Variants in OTOF observed in about 807,000 individuals in gnomAD.
OTOF encodes fer-1-like family member 2.
Under a neutral mutation model 236.8 loss-of-function variants are expected in OTOF, and 218 were observed. That is an observed-to-expected ratio of 0.92 (90% CI 0.82 to 1.03). The LOEUF (loss-of-function observed/expected upper bound fraction) is 1.03. Ranked by LOEUF, OTOF falls within the 50% of genes least tolerant of loss-of-function variation. The probability of loss-of-function intolerance (pLI) is 0.00; values close to 1 mark genes in which losing one functional copy is unlikely to be tolerated. For synonymous variants in OTOF, 1,041 were observed against 1,072.5 expected (o/e 0.97, Z 0.57); for missense variants, 2,590 against 2,694.4 (o/e 0.96, Z 0.86).
chr2:26,465,089 C>T (rs1664665792), intron 38 of OTOF, 60 bp from the exon 39 acceptor site: 1 of 1,391,868 alleles, frequency 7.2e-7, no homozygotes, highest in Non-Finnish European at 9.5e-7. Context: ...TCCTGGATGA[C>T]AGCTGGTCGT....
chr2:26,502,892 A>G (rs531488542), intron 6 of OTOF, among the ~76,000 whole-genome samples: 1 of 152,354 alleles, frequency 6.6e-6, no homozygotes, highest in East Asian at 1.9e-4. Context: ...CTTAGGAAGT[A>G]ACTTATCCAT....
At chr2:26,530,258 C>G (rs927480862) in intron 2 of OTOF, among the ~76,000 whole-genome samples, 35 of 151,738 alleles carry the variant, frequency 2.3e-4, no homozygotes, top group Non-Finnish European at 4.4e-5. Context: ...GAGGCTGAGG[C>G]TAAGGGACCT....
Position 26,461,648 on chromosome 2 carries a change from T to A in OTOF, c.5533+48A>T, listed in dbSNP as rs1664467660. On this transcript the variant is annotated intron_variant, in intron 43 of 46. Transcript: ENST00000272371. The surrounding 1 kb of genome is among the most constrained non-coding windows in gnomAD (Gnocchi z 6.2). ...TGTCCCCGCCAACCCGGCCCCTGCCTCTTCTCAGTTCTGGATCCTGAACCC... is the reference window on the plus strand; with the variant it reads ...TGTCCCCGCCAACCCGGCCCCTGCCACTTCTCAGTTCTGGATCCTGAACCC... 3 of 1,610,592 alleles carry A rather than the reference T, an allele frequency of 1.9e-6. No homozygotes were observed. Among genetic ancestry groups the A allele is most frequent in the Non-Finnish European group, 2.5e-6 (3 of 1,179,798 alleles).
At position 26,470,637 on chromosome 2, in the gene OTOF, C is replaced by G. The variant is rs764036733; in HGVS notation, c.3979G>C (p.Asp1327His). Residue 1327 changes from aspartate to histidine, a missense_variant, in exon 32 of 47, where the codon GAC (aspartate) becomes CAC (histidine). Physicochemically the swap from Asp to His is moderately conservative, Grantham distance 81. Around this residue, in one of 2 missense-constraint regions of OTOF, gnomAD observed 1,211 missense variants for 1,352.8 expected, o/e 0.90. Transcript: ENST00000272371. The surrounding 1 kb of genome is among the most constrained non-coding windows in gnomAD (Gnocchi z 4.3). ...GAGGCAAAGTACTTGGACCACCAGT[C>G]CAGCATGCTCTCGTCTGGCTCCTCC... ...EEEEPDESML[D>H]WWSKYFASID... 4 of 1,614,004 alleles carry G rather than the reference C, an allele frequency of 2.5e-6. No individual in the cohort carries two copies. Among genetic ancestry groups the G allele is most frequent in the Admixed American group, 3.3e-5 (2 of 60,000 alleles).
At position 26,491,293 on chromosome 2, in the gene OTOF, C is replaced by T. The variant is rs915118882; in HGVS notation, c.898-1553G>A. On this transcript the variant is annotated intron_variant, in intron 9 of 46. Coordinates refer to ENST00000272371, the MANE Select transcript of OTOF (RefSeq NM_194248.3). ...GAGCAGTGTCAATGACATCTGGAGGCAGAAACCCTGCAGAGATTGAGGGGT... is the reference window on the plus strand; with the variant it reads ...GAGCAGTGTCAATGACATCTGGAGGTAGAAACCCTGCAGAGATTGAGGGGT... Among the ~76,000 whole-genome samples the T allele has an allele frequency of 7.9e-5, 12 of 152,108 alleles. No individual in the cohort carries two copies. In the South Asian group the frequency reaches 1.7e-3, roughly 21 times the overall value.
At position 26,476,183 on chromosome 2, in the gene OTOF, C is replaced by G; in HGVS notation, c.2811G>C (p.Lys937Asn). The change falls in exon 23 of 47, where the codon AAG (lysine) becomes AAC (asparagine). Residue 937 changes from lysine (K) to asparagine (N), a missense_variant. Coordinates refer to ENST00000272371, the MANE Select transcript of OTOF (RefSeq NM_194248.3). ...CGLPCGFQEV[K>N]AAQGLGLHAF... The stretch of plus-strand genomic sequence containing the variant: ...CATGCAGGCCCAGGCCCTGGGCTGC[C>G]TTGACCTCCTGGAAGCCACAGGGCA... 3 of 1,610,962 alleles carry G rather than the reference C, an allele frequency of 1.9e-6. No individual in the cohort carries two copies. Among genetic ancestry groups the G allele is most frequent in the South Asian group, 2.2e-5 (2 of 91,062 alleles).
chr2:26,532,579 C>G (rs930098480), intron 2 of OTOF, among the ~76,000 whole-genome samples: 2 of 152,150 alleles, frequency 1.3e-5, no homozygotes, highest in African/African-American at 2.4e-5. Context: ...GTTCTGGAGA[C>G]AGACACAGAC....
chr2:26,466,745 A>G lies in OTOF; in HGVS notation c.4469T>C (p.Ile1490Thr). Residue 1490 changes from isoleucine to threonine, a missense_variant, in exon 36 of 47, where the codon ATC becomes ACC. Physicochemically the swap from Ile to Thr is moderately conservative, Grantham distance 89. Around this residue, in one of 2 missense-constraint regions of OTOF, gnomAD observed 1,211 missense variants for 1,352.8 expected, o/e 0.90. Transcript: ENST00000272371. ...MFQGIPSNDPINVLVRVYVVR... is the reference protein window; with the variant it reads ...MFQGIPSNDPTNVLVRVYVVR... ...CACATAGACTCGGACCAGCACATTG[A>G]TGGGGTCATTGCTCGGGATGCCCTG... The G allele has an allele frequency of 6.2e-7, 1 of 1,614,160 alleles. No individual in the cohort carries two copies. The highest frequency in any genetic ancestry group is 1.1e-5 in the South Asian group (1 of 91,086).
In OTOF at chr2:26,502,365, T is replaced by C; in HGVS notation, c.645A>G (p.Gly215=). 6.2e-7 allele frequency: 1 copy of C among 1,613,880 alleles called. No homozygotes were observed. Among genetic ancestry groups the C allele is most frequent in the Non-Finnish European group, 8.5e-7 (1 of 1,179,868 alleles). The change falls in exon 7 of 47, where the codon GGA becomes GGG. Residue 215 remains glycine (G), a synonymous_variant. Transcript: ENST00000272371. ...CTAGAGACACCGAGTCGGGATCCAGTCCATCTCCTAGCCGAATGGCCAGAT... is the reference window on the plus strand; with the variant it reads ...CTAGAGACACCGAGTCGGGATCCAGCCCATCTCCTAGCCGAATGGCCAGAT... ...LDHLAIRLGD[G]LDPDSVSLAS...
intron 1 of OTOF, among the ~76,000 whole-genome samples, chr2:26,545,790 C>A (rs946049945): frequency 6.6e-6 from 1 of 152,154 alleles, no homozygotes; most frequent in Non-Finnish European, 1.5e-5. Context: ...ATATCCAACA[C>A]CTTGATTGAA....
rs779119416 is a variant in OTOF, at chr2:26,482,515, TG to T, written c.1469del (p.Pro490HisfsTer6). The T allele has an allele frequency of 1.4e-5, 23 of 1,612,866 alleles. No homozygotes were observed. Among genetic ancestry groups the T allele is most frequent in the Non-Finnish European group, 1.8e-5 (21 of 1,179,862 alleles). On this transcript the variant is annotated frameshift_variant, in exon 14 of 47. Coordinates refer to ENST00000272371, the MANE Select transcript of OTOF (RefSeq NM_194248.3). LOFTEE classifies it high-confidence loss of function. ...EQVVFTDLFPPLCKRMKVQIR... is the reference protein window; with the variant it reads ...EQVVFTDLFPXLCKRMKVQIR... ...TCTGCACCTTCATGCGTTTGCAGAG[TG>T]GGGGGAAGAGGTCTGTAAAGACGAC... is the stretch of plus-strand genomic sequence containing the variant.
chr2:26,521,028 A>T (rs1397126320), intron 3 of OTOF, among the ~76,000 whole-genome samples: 1 of 152,166 alleles, frequency 6.6e-6, no homozygotes, highest in African/African-American at 2.4e-5. Flanking sequence ...GCCATGGCCA[A>T]CTTCAAGCTT....
intron 1 of OTOF, among the ~76,000 whole-genome samples, chr2:26,544,184 C>T (rs1182965796): frequency 6.6e-6 from 1 of 152,152 alleles, no homozygotes; most frequent in Non-Finnish European, 1.5e-5. Flanking sequence ...ATGTGAGTCT[C>T]TCTTCTTTTT....
chr2:26,537,109 G>A (rs758077337), intron 2 of OTOF, among the ~76,000 whole-genome samples: 18 of 152,308 alleles, frequency 1.2e-4, no homozygotes, highest in African/African-American at 3.8e-4. Flanking sequence ...GAGAAAAATC[G>A]TTGTCAATAG....
rs1173507640 is a variant in OTOF, at chr2:26,470,815, GC to G, written c.3895-95del. 6 of 1,556,188 alleles carry G rather than the reference GC, an allele frequency of 3.9e-6. No homozygotes were observed. Among genetic ancestry groups the G allele is most frequent in the Non-Finnish European group, 5.2e-6 (6 of 1,155,722 alleles). On this transcript the variant is annotated intron_variant, in intron 31 of 46. Transcript: ENST00000272371. This position sits in a 1 kb window ranked among gnomAD's most constrained non-coding sequence, Gnocchi z 4.3. Reference sequence around the variant, plus strand: ...CCATTCCGCCATCTGTCAGCAGGAAGCCTTGGGCTCCATGAGGCTCTGTGGG... The same window carrying G: ...CCATTCCGCCATCTGTCAGCAGGAAGCTTGGGCTCCATGAGGCTCTGTGGG...
intron 36 of OTOF, 177 bp from the exon 37 acceptor site, chr2:26,466,253 T>G (rs562460715): frequency 2.8e-6 from 2 of 709,830 alleles, no homozygotes; most frequent in African/African-American, 1.8e-5. Flanking sequence ...GGGCGTTGAC[T>G]TCTTCCTCTA....
Position 26,527,882 on chromosome 2 carries a change from A to C in OTOF, c.177T>G (p.Asn59Lys). The C allele has an allele frequency of 1.9e-6, 3 of 1,614,008 alleles. No homozygotes were observed. Among genetic ancestry groups the C allele is most frequent in the Non-Finnish European group, 1.7e-6 (2 of 1,179,960 alleles). ...RWPVASSIDRNEMLEIQVFNY... is the reference protein window; with the variant it reads ...RWPVASSIDRKEMLEIQVFNY... ...TGAAAACCTGAATCTCCAGCATCTC[A>C]TTTCTGTCGATGCTGCTGGCCACCG... Residue 59 changes from asparagine to lysine, a missense_variant, in exon 3 of 47, where the codon AAT (asparagine) becomes AAG (lysine). Coordinates refer to ENST00000272371, the MANE Select transcript of OTOF (RefSeq NM_194248.3).
At chr2:26,541,472 C>G (rs548595064) in intron 1 of OTOF, among the ~76,000 whole-genome samples, 80 of 152,072 alleles carry the variant, frequency 5.3e-4, no homozygotes, top group Non-Finnish European at 9.3e-4. Flanking sequence ...CATACAGAAA[C>G]AGTGGAAAGG....
In OTOF at chr2:26,474,108, A is replaced by G. The variant is rs1287004552; in HGVS notation, c.3291T>C (p.Ile1097=). 2.5e-6 allele frequency: 4 copies of G among 1,612,850 alleles called. No individual in the cohort carries two copies. The highest frequency in any genetic ancestry group is 3.4e-6 in the Non-Finnish European group (4 of 1,179,832). The part of the protein sequence containing the change: ...DLLAAFELLQ[I]GPAGKADLPP... Reference sequence around the variant, plus strand: ...GCAGGTCAGCCTTCCCTGCTGGTCCAATCTGGGGAATGGGGGTCACAGGTC... The same window carrying G: ...GCAGGTCAGCCTTCCCTGCTGGTCCGATCTGGGGAATGGGGGTCACAGGTC... The change falls in exon 27 of 47, where the codon ATT becomes ATC. Residue 1097 remains isoleucine (I), a splice_region_variant and synonymous_variant. Coordinates refer to ENST00000272371, the MANE Select transcript of OTOF (RefSeq NM_194248.3).
Sources: gnomAD v4.1 joint callset for allele counts (sites outside exome capture counted in the v4.1 genomes callset) on GRCh38, gnomAD v4.1.1 for gene constraint, gnomAD v4.1.1 regional missense constraint, Gnocchi (gnomAD v3.1) non-coding constraint, MANE v1.5 for transcripts, NCBI Gene and HGNC (gene_info 2026-07-23, HGNC 2026-07-21) for gene names.